The following EDNRA variants were observed in gnomAD, a reference collection of about 807,000 sequenced individuals.
EDNRA encodes endothelin-1 receptor.
EDNRA carries 11 observed loss-of-function variants against 41.4 expected under a neutral mutation model. That is an observed-to-expected ratio of 0.27 (90% CI 0.17 to 0.44). The LOEUF (loss-of-function observed/expected upper bound fraction) is 0.44, where lower values mean the gene tolerates loss of function less well. EDNRA is among the 20% of genes least tolerant of loss of function. EDNRA has a pLI of 1.00. For synonymous variants in EDNRA, 172 were observed against 183.0 expected, an observed-to-expected ratio of 0.94 and a Z score of 0.49; for missense variants, 294 against 531.0, an observed-to-expected ratio of 0.55 and a Z score of 4.39.
At chr4:147,512,450 G>A (rs9997823) in intron 2 of EDNRA, among the ~76,000 whole-genome samples, 7,565 of 152,242 alleles carry the variant, frequency 0.05, 615 homozygotes, top group African/African-American at 0.17. Flanking sequence ...CTGAAACACC[G>A]AATATTCAGT....
chr4:147,528,686 A>T (rs1213708451), intron 3 of EDNRA, among the ~76,000 whole-genome samples: 4 of 152,194 alleles, frequency 2.6e-5, no homozygotes, highest in African/African-American at 9.6e-5. Flanking sequence ...AACCAAATAA[A>T]TAAATAGAAC....
chr4:147,494,957 G>C (rs192906302), intron 2 of EDNRA: 1 of 152,148 alleles, frequency 6.6e-6, no homozygotes, highest in African/African-American at 2.4e-5. Flanking sequence ...GGCGTTGGCT[G>C]CTATGTTGAA....
At chr4:147,510,598 G>A (rs72961609) in intron 2 of EDNRA, among the ~76,000 whole-genome samples, 3,312 of 152,198 alleles carry the variant, frequency 0.022, 107 homozygotes, top group African/African-American at 0.075. Flanking sequence ...CATTTTATAT[G>A]TAATTCAAAT....
Position 147,544,951 on chromosome 4 carries a change from C to G in EDNRA, c.*2333C>G, listed in dbSNP as rs1438256163. On this transcript the variant is annotated 3_prime_UTR_variant, in exon 8 of 8. Coordinates refer to ENST00000651419, the MANE Select transcript of EDNRA (RefSeq NM_001957.4). ...GTGTAAAATAAAAGTTTACAGAAACCTTGCAAGTGTCTCTTCATTTTTATG... is the reference window on the plus strand; with the variant it reads ...GTGTAAAATAAAAGTTTACAGAAACGTTGCAAGTGTCTCTTCATTTTTATG... 6.6e-6 allele frequency: 1 copy of G among 152,588 alleles called. No homozygotes were observed. Among genetic ancestry groups the G allele is most frequent in the East Asian group, 1.9e-4 (1 of 5,190 alleles). 9.5% of individuals were successfully genotyped at this position (152,588 alleles called of 1,614,324 possible).
At chr4:147,523,736 C>T (rs1467435489) in intron 3 of EDNRA, among the ~76,000 whole-genome samples, 1 of 151,868 alleles carries the variant, frequency 6.6e-6, no homozygotes, top group Non-Finnish European at 1.5e-5. Context: ...GTGATCCACC[C>T]GCCTCAGCCT....
At chr4:147,539,783 T>C (rs772307313) in intron 5 of EDNRA, 34 bp from the exon 6 acceptor site, 2 of 1,597,552 alleles carry the variant, frequency 1.3e-6, no homozygotes, top group South Asian at 2.3e-5. Context: ...AAACACTAAA[T>C]TTGTTGTCCT....
intron 2 of EDNRA, among the ~76,000 whole-genome samples, chr4:147,497,156 T>A: frequency 7.0e-6 from 1 of 142,350 alleles, no homozygotes; most frequent in Admixed American, 6.9e-5. Context: ...CTTCTTTTTT[T>A]TTTTTTTTTT....
intron 2 of EDNRA, among the ~76,000 whole-genome samples, chr4:147,503,222 TACAC>T (rs567654612): frequency 6.6e-6 from 1 of 152,198 alleles, no homozygotes; most frequent in Non-Finnish European, 1.5e-5. Context: ...GAATTCATCA[TACAC>T]ACACACTTCT....
intron 2 of EDNRA, chr4:147,506,173 G>A (rs1729710758): frequency 1.9e-6 from 1 of 527,686 alleles, no homozygotes; most frequent in Non-Finnish European, 3.8e-6. Context: ...AAGACTCAAG[G>A]AAGGACTGAG....
chr4:147,519,129 T>C lies in EDNRA; in HGVS notation c.421-722T>C, dbSNP rs1353768708. 1.3e-5 allele frequency among the ~76,000 whole-genome samples: 2 copies of C among 152,216 alleles called. No homozygotes were observed. The highest frequency in any genetic ancestry group is 2.9e-5 in the Non-Finnish European group (2 of 68,048). ...ATCAAGGTAACCACATTTTTCTGTATAGTAAGGGGAAGTTTGAGCCTAAAT... is the reference window on the plus strand; with the variant it reads ...ATCAAGGTAACCACATTTTTCTGTACAGTAAGGGGAAGTTTGAGCCTAAAT... On this transcript the variant is annotated intron_variant, in intron 2 of 7. Coordinates refer to ENST00000651419, the MANE Select transcript of EDNRA (RefSeq NM_001957.4). This position sits in a 1 kb window ranked among gnomAD's most constrained non-coding sequence, Gnocchi z 4.1.
At chr4:147,506,276 C>A in intron 2 of EDNRA, 1 of 476,364 alleles carries the variant, frequency 2.1e-6, no homozygotes, top group South Asian at 1.6e-5. Flanking sequence ...ATCCATTTGT[C>A]TTGCAAAATA....
intron 2 of EDNRA, among the ~76,000 whole-genome samples, chr4:147,518,537 T>C (rs1217022716): frequency 6.6e-6 from 1 of 152,206 alleles, no homozygotes; most frequent in Non-Finnish European, 1.5e-5. Context: ...TGAAGTTTTA[T>C]AGGGTCTTAG....
At chr4:147,517,883 T>C (rs1730170178) in intron 2 of EDNRA, among the ~76,000 whole-genome samples, 1 of 152,226 alleles carries the variant, frequency 6.6e-6, no homozygotes, top group African/African-American at 2.4e-5. Flanking sequence ...TGTTCATTTG[T>C]GGTTTTTCTG....
intron 4 of EDNRA, 122 bp from the exon 5 acceptor site, chr4:147,535,755 G>A: frequency 8.0e-7 from 1 of 1,245,198 alleles, no homozygotes; most frequent in Non-Finnish European, 1.1e-6. Flanking sequence ...ACTGCAACCA[G>A]AGAGCATGAT....
At chr4:147,512,191 T>C (rs1223455276) in intron 2 of EDNRA, among the ~76,000 whole-genome samples, 1 of 152,228 alleles carries the variant, frequency 6.6e-6, no homozygotes, top group Non-Finnish European at 1.5e-5. Flanking sequence ...TTTGGATTGG[T>C]ACTCTTACAG....
chr4:147,486,870 A>T lies in EDNRA; in HGVS notation c.420+769A>T, dbSNP rs576827013. Reference sequence around the variant, plus strand: ...GAGGAAGATAACTAACCTTGCTTACAGACTGTATTAGGCCATTTCTACATT... The same window carrying T: ...GAGGAAGATAACTAACCTTGCTTACTGACTGTATTAGGCCATTTCTACATT... On this transcript the variant is annotated intron_variant, in intron 2 of 7. Transcript: ENST00000651419. This position sits in a 1 kb window ranked among gnomAD's most constrained non-coding sequence, Gnocchi z 4.3. Among the ~76,000 whole-genome samples the T allele has an allele frequency of 1.3e-5, 2 of 151,652 alleles. No homozygotes were observed. Among genetic ancestry groups the T allele is most frequent in the South Asian group, 4.2e-4 (2 of 4,788 alleles).
intron 2 of EDNRA, among the ~76,000 whole-genome samples, chr4:147,508,170 G>A (rs187282474): frequency 1.5e-4 from 23 of 151,850 alleles, no homozygotes; most frequent in Middle Eastern, 3.4e-3. Flanking sequence ...ATGGAGTCTC[G>A]CTCTGTCACC....
intron 2 of EDNRA, among the ~76,000 whole-genome samples, chr4:147,504,305 T>C (rs960137101): frequency 3.3e-5 from 5 of 152,244 alleles, no homozygotes; most frequent in Non-Finnish European, 5.9e-5. Context: ...CATTAAAATA[T>C]GTTGTCTCTC....
At chr4:147,488,761 C>G (rs568693938) in intron 2 of EDNRA, 29 of 152,338 alleles carry the variant, frequency 1.9e-4, no homozygotes, top group African/African-American at 6.3e-4. Context: ...ATTCTTCTGA[C>G]TTCTAAGCAG....
Sources: gnomAD v4.1 joint callset for allele counts (sites outside exome capture counted in the v4.1 genomes callset) on GRCh38, gnomAD v4.1.1 for gene constraint, Gnocchi (gnomAD v3.1) non-coding constraint, MANE v1.5 for transcripts, NCBI Gene and HGNC (gene_info 2026-07-23, HGNC 2026-07-21) for gene names.